Variants in ERG observed in about 807,000 individuals in gnomAD.
ERG encodes transcriptional regulator ERG.
Under a neutral mutation model 55.3 loss-of-function variants are expected in ERG, and 9 were observed. The observed-to-expected ratio is 0.16, with a 90% CI of 0.10 to 0.28. The LOEUF (loss-of-function observed/expected upper bound fraction) is 0.28. Among genes scored for constraint, ERG ranks in the 10% least tolerant of loss-of-function variants. The probability of loss-of-function intolerance (pLI) is 1.00; values close to 1 mark genes in which losing one functional copy is unlikely to be tolerated. For missense variants in ERG, 434 were observed against 631.6 expected, an observed-to-expected ratio of 0.69 and a Z score of 3.35; for synonymous variants, 223 against 237.3, an observed-to-expected ratio of 0.94 and a Z score of 0.55.
chr21:38,640,429 A>G (rs560828623), intron 1 of ERG, among the ~76,000 whole-genome samples: 1 of 152,236 alleles, frequency 6.6e-6, no homozygotes, highest in African/African-American at 2.4e-5. Flanking sequence ...CTGTGTCTCC[A>G]CCCAAATCTC....
At chr21:38,572,229 G>C (rs903435461) in intron 2 of ERG, among the ~76,000 whole-genome samples, 4 of 150,524 alleles carry the variant, frequency 2.7e-5, no homozygotes, top group African/African-American at 7.3e-5. Flanking sequence ...TTAGCCAGGC[G>C]TGGTGGCAGG....
chr21:38,476,431 G>C (rs572878373), intron 1 of ERG, among the ~76,000 whole-genome samples: 1 of 152,238 alleles, frequency 6.6e-6, no homozygotes, highest in Admixed American at 6.5e-5. Context: ...TGTTCCCTGA[G>C]ATACAACACC....
In ERG at chr21:38,528,758, T is replaced by A. The variant is rs2059650781; in HGVS notation, c.-41+46904A>T. Among the ~76,000 whole-genome samples the A allele has an allele frequency of 2.6e-5, 4 of 152,172 alleles. No individual in the cohort carries two copies. The South Asian group carries it at 8.3e-4, about 32-fold the overall frequency. On this transcript the variant is annotated intron_variant, in intron 2 of 8. Coordinates refer to the ERG transcript ENST00000398897. Reference sequence around the variant, plus strand: ...CCACCGCGCCCGGCCCATAGCAAACTTTTGTAAACATAACTATTTATTAAA... The same window carrying A: ...CCACCGCGCCCGGCCCATAGCAAACATTTGTAAACATAACTATTTATTAAA...
intron 1 of ERG, among the ~76,000 whole-genome samples, chr21:38,626,443 T>G (rs2060325274): frequency 6.6e-6 from 1 of 152,194 alleles, no homozygotes. Flanking sequence ...GACATCAGTA[T>G]GAGCTCAGTG....
At chr21:38,581,979 G>C (rs1338388159) in intron 1 of ERG, among the ~76,000 whole-genome samples, 3 of 149,914 alleles carry the variant, frequency 2.0e-5, no homozygotes, top group Non-Finnish European at 2.9e-5. Context: ...GGAGGAGGAG[G>C]TTGCAGTGAG....
chr21:38,428,430 T>C (rs948854735), intron 2 of ERG, among the ~76,000 whole-genome samples: 1 of 152,194 alleles, frequency 6.6e-6, no homozygotes, highest in Non-Finnish European at 1.5e-5. Context: ...CACCAAGCGC[T>C]GCCCAGCATA....
chr21:38,638,149 C>T (rs777192860), intron 1 of ERG, among the ~76,000 whole-genome samples: 2 of 152,200 alleles, frequency 1.3e-5, no homozygotes, highest in South Asian at 2.1e-4. Context: ...AGTCCGGGTG[C>T]AATGTCCAGC....
chr21:38,570,747 C>T lies in ERG; in HGVS notation c.-41+4915G>A, dbSNP rs570625404. Among the ~76,000 whole-genome samples the T allele has an allele frequency of 1.1e-4, 17 of 152,278 alleles. No homozygotes were observed. The South Asian group carries it at 1.2e-3, about 11-fold the overall frequency. Reference sequence around the variant, plus strand: ...TTGAGCCAGAATGTGTTCTTATCCACGACATGAAACTGGATAAGAATGCAA... The same window carrying T: ...TTGAGCCAGAATGTGTTCTTATCCATGACATGAAACTGGATAAGAATGCAA... On this transcript the variant is annotated intron_variant, in intron 2 of 8. Transcript: ENST00000398897.
chr21:38,488,549 T>G (rs2059308021), intron 1 of ERG, among the ~76,000 whole-genome samples: 1 of 152,158 alleles, frequency 6.6e-6, no homozygotes. Flanking sequence ...TTTGCTTCGG[T>G]TCAAAGGGCC....
chr21:38,530,578 G>C (rs538692331), intron 2 of ERG, among the ~76,000 whole-genome samples: 1 of 152,316 alleles, frequency 6.6e-6, no homozygotes, highest in South Asian at 2.1e-4. Flanking sequence ...GCACAGGAGA[G>C]TCCTCAATTC....
intron 1 of ERG, among the ~76,000 whole-genome samples, chr21:38,445,955 A>T (rs994331121): frequency 2.0e-5 from 3 of 151,882 alleles, no homozygotes; most frequent in African/African-American, 7.3e-5. Context: ...TCACTATTTG[A>T]CAAATGCAAT....
chr21:38,643,396 C>T (rs961525223), intron 1 of ERG, among the ~76,000 whole-genome samples: 4 of 152,168 alleles, frequency 2.6e-5, no homozygotes, highest in Admixed American at 6.5e-5. Flanking sequence ...CCATGACACT[C>T]GCTCATAGGA....
In ERG at chr21:38,380,826, T is replaced by A. The variant is rs1379344904; in HGVS notation, c.*2577A>T. 1 of 1,065,012 alleles carries A rather than the reference T, an allele frequency of 9.4e-7. No individual in the cohort carries two copies. The highest frequency in any genetic ancestry group is 1.6e-5 in the African/African-American group (1 of 61,062). 66.0% of individuals were successfully genotyped at this position (1,065,012 alleles called of 1,614,324 possible). A position where few individuals can be genotyped will look rare whatever the true frequency, so the allele number is the denominator to read the frequency against. On this transcript the variant is annotated 3_prime_UTR_variant, in exon 10 of 10. Coordinates refer to ENST00000288319, the MANE Select transcript of ERG (RefSeq NM_182918.4). ...ATATGATAATCATGTCTTGTTTTTA[T>A]GATCTTGCTCATGAGACAGTCTTGA...
At chr21:38,375,535 G>A (rs1022266925), downstream of ERG, among the ~76,000 whole-genome samples, 23 of 152,274 alleles carry the variant, frequency 1.5e-4, no homozygotes, top group Non-Finnish European at 1.2e-4. Context: ...TATCTTGGAT[G>A]CTAATAATAC....
At chr21:38,570,765 GAAT>G (rs2059952793) in intron 2 of ERG, among the ~76,000 whole-genome samples, 1 of 152,194 alleles carries the variant, frequency 6.6e-6, no homozygotes, top group African/African-American at 2.4e-5. Context: ...AACTGGATAA[GAAT>G]GCAAAGCTCA....
intron 5 of ERG, 97 bp downstream of exon 5, chr21:38,402,460 C>A (rs1180377329): frequency 1.2e-5 from 10 of 847,934 alleles, no homozygotes; most frequent in Non-Finnish European, 1.7e-5. Flanking sequence ...TGCGTTCTGT[C>A]TTCCTGGCAC....
chr21:38,599,825 A>C (rs964270174), intron 1 of ERG, among the ~76,000 whole-genome samples: 1 of 152,236 alleles, frequency 6.6e-6, no homozygotes. Context: ...TTGAGGCATG[A>C]GTTTGGAGGA....
chr21:38,590,568 T>TCATCCATCCATCCATCCATC (rs141969690), intron 1 of ERG, among the ~76,000 whole-genome samples: 1 of 150,326 alleles, frequency 6.7e-6, no homozygotes, highest in Non-Finnish European at 1.5e-5. Context: ...ATACAATTGT[T>TCATCCATCCATCCATCCATC]CATCCATCCA....
intron 2 of ERG, among the ~76,000 whole-genome samples, chr21:38,505,561 C>T (rs1056242556): frequency 6.6e-6 from 1 of 152,198 alleles, no homozygotes; most frequent in Non-Finnish European, 1.5e-5. Context: ...GATCTCAGCA[C>T]ATGTTTTGGG....
Sources: allele counts gnomAD v4.1 joint callset (sites outside exome capture counted in the v4.1 genomes callset), GRCh38; gene constraint gnomAD v4.1.1; transcripts MANE v1.5; gene names NCBI Gene and HGNC (gene_info 2026-07-23, HGNC 2026-07-21).